Variants in SLC5A4 observed in about 807,000 individuals in gnomAD.
The protein encoded by SLC5A4 is probable glucose sensor protein SLC5A4.
Under a neutral mutation model 70.3 loss-of-function variants are expected in SLC5A4, and 55 were observed. That is an observed-to-expected ratio of 0.78 (90% CI 0.63 to 0.98). The LOEUF is 0.98. Ranked by LOEUF, SLC5A4 falls within the 50% of genes least tolerant of loss-of-function variation. SLC5A4 has a pLI of 0.00. For synonymous variants in SLC5A4, 268 were observed against 305.7 expected (o/e 0.88, Z 1.29); for missense variants, 735 against 839.2 (o/e 0.88, Z 1.53).
the SLC5A4 span, among the ~76,000 whole-genome samples, chr22:32,261,059 CA>C: frequency 0.091 from 11,660 of 127,992 alleles, 667 homozygotes; most frequent in African/African-American, 0.2. Flanking sequence ...GGTGACAGGG[CA>C]AAAAAAAAAA....
the SLC5A4 span, among the ~76,000 whole-genome samples, chr22:32,262,268 T>C: frequency 1.6e-3 from 248 of 152,342 alleles, no homozygotes; most frequent in African/African-American, 5.5e-3. Context: ...ATAGTGGTTG[T>C]ACTAATTTAC....
At chr22:32,287,079 A>G in the SLC5A4 span, among the ~76,000 whole-genome samples, 1 of 152,224 alleles carries the variant, frequency 6.6e-6, no homozygotes, top group Admixed American at 6.5e-5. Flanking sequence ...TGGGGGAGTT[A>G]CGGTACAGGG....
intron 4 of SLC5A4, 99 bp downstream of exon 4, chr22:32,248,644 T>G: frequency 1.1e-6 from 1 of 898,738 alleles, no homozygotes; most frequent in Non-Finnish European, 1.9e-6. Context: ...AATAAAGCCT[T>G]TTTTCCTGGC....
intron 4 of SLC5A4, 73 bp downstream of exon 4, chr22:32,248,670 A>C: frequency 9.7e-7 from 1 of 1,033,690 alleles, no homozygotes; most frequent in Non-Finnish European, 1.5e-6. Flanking sequence ...TCATTGTCTC[A>C]GTGATTGATC....
Position 32,239,031 on chromosome 22 carries a change from C to T in SLC5A4, c.537G>A (p.Leu179=), listed in dbSNP as rs1569374267. 2 of 1,613,980 alleles carry T rather than the reference C, an allele frequency of 1.2e-6. No homozygotes were observed. The highest frequency in any genetic ancestry group is 8.5e-7 in the Non-Finnish European group (1 of 1,179,936). Residue 179 remains leucine (L), a synonymous_variant, in exon 6 of 15, where the codon CTG becomes CTA. Coordinates refer to ENST00000266086, the MANE Select transcript of SLC5A4 (RefSeq NM_014227.3). ...TCATAGCCAAGAGGATGAAGATTGC[C>T]AGGTAAAGGTCCAATCCCAAGGCCA... ...IKLALGLDLY[L]AIFILLAMTA... is the part of the protein sequence containing the mutation.
rs1465228298 is a variant in SLC5A4, at chr22:32,254,312, C to T, written c.136-99G>A. 8.8e-6 allele frequency: 7 copies of T among 798,312 alleles called. No homozygotes were observed. In the Admixed American group the frequency reaches 1.4e-4, roughly 15 times the overall value. 49.5% of individuals were successfully genotyped at this position (798,312 alleles called of 1,614,324 possible). On this transcript the variant is annotated intron_variant, in intron 1 of 14. Coordinates refer to ENST00000266086, the MANE Select transcript of SLC5A4 (RefSeq NM_014227.3). ...GGTGCTGAGAGGGGTGACTTCAGCA[C>T]TCCTACAGAGAGAAACATTTCGCTG...
the SLC5A4 span, among the ~76,000 whole-genome samples, chr22:32,326,621 T>G: frequency 6.6e-6 from 1 of 152,094 alleles, no homozygotes; most frequent in Non-Finnish European, 1.5e-5. Flanking sequence ...TTAATCCTAC[T>G]TGTAAATGTG....
the SLC5A4 span, among the ~76,000 whole-genome samples, chr22:32,340,489 C>A: frequency 6.6e-6 from 1 of 152,334 alleles, no homozygotes; most frequent in Non-Finnish European, 1.5e-5. Flanking sequence ...GGCACAAAGC[C>A]ACAAAGCAAA....
chr22:32,234,831 C>T, intron 8 of SLC5A4, 42 bp downstream of exon 8: 1 of 1,393,116 alleles, frequency 7.2e-7, no homozygotes, highest in Non-Finnish European at 1.0e-6. Flanking sequence ...GACACACAGA[C>T]AGACAGACAG....
chr22:32,316,614 C>T, the SLC5A4 span, among the ~76,000 whole-genome samples: 1 of 152,088 alleles, frequency 6.6e-6, no homozygotes, highest in African/African-American at 2.4e-5. Context: ...ACTATAACCT[C>T]TGCCTCTTGG....
rs776208719 is a variant in SLC5A4 at position 32,241,587 on chromosome 22, G to A, written c.478-2497C>T. Reference sequence around the variant, plus strand: ...CAGCCGGGCACAGTGGCTCATGCCTGTAATCCCAGCACTTTGGGAGGCCAA... The same window carrying A: ...CAGCCGGGCACAGTGGCTCATGCCTATAATCCCAGCACTTTGGGAGGCCAA... On this transcript the variant is annotated intron_variant, in intron 5 of 14. Transcript: ENST00000266086. Among the ~76,000 whole-genome samples the A allele has an allele frequency of 3.9e-5, 6 of 152,256 alleles. No individual in the cohort carries two copies. In the South Asian group the frequency reaches 8.3e-4, roughly 21 times the overall value.
the SLC5A4 span, among the ~76,000 whole-genome samples, chr22:32,261,118 C>G: frequency 6.6e-6 from 1 of 151,912 alleles, no homozygotes; most frequent in Non-Finnish European, 1.5e-5. Flanking sequence ...CCAGGAGACT[C>G]ACACTTCTCT....
chr22:32,337,478 G>T, the SLC5A4 span, among the ~76,000 whole-genome samples: 1 of 152,108 alleles, frequency 6.6e-6, no homozygotes, highest in African/African-American at 2.4e-5. Context: ...AGGTTGCAGT[G>T]AGCTGAGATC....
the SLC5A4 span, among the ~76,000 whole-genome samples, chr22:32,268,811 C>T: frequency 2.0e-5 from 3 of 152,298 alleles, no homozygotes; most frequent in East Asian, 5.8e-4. Flanking sequence ...CCATTGGCTG[C>T]AGAGCCCTTA....
At chr22:32,269,682 A>C in the SLC5A4 span, 2 of 598,908 alleles carry the variant, frequency 3.3e-6, no homozygotes, top group Admixed American at 3.9e-5. The surrounding 1 kb of genome is among the most constrained non-coding windows in gnomAD (Gnocchi z 4.1). Flanking sequence ...CCTGAACCAG[A>C]GCATTCCCCC....
At chr22:32,328,886 C>A in the SLC5A4 span, among the ~76,000 whole-genome samples, 1 of 152,238 alleles carries the variant, frequency 6.6e-6, no homozygotes, top group Non-Finnish European at 1.5e-5. Context: ...AGGGAACGAG[C>A]CTCTGACCTT....
the SLC5A4 span, among the ~76,000 whole-genome samples, chr22:32,337,485 G>C: frequency 6.6e-6 from 1 of 152,104 alleles, no homozygotes; most frequent in Non-Finnish European, 1.5e-5. Context: ...AGTGAGCTGA[G>C]ATCGCACCAC....
chr22:32,339,553 T>G, the SLC5A4 span, among the ~76,000 whole-genome samples: 1 of 152,064 alleles, frequency 6.6e-6, no homozygotes, highest in African/African-American at 2.4e-5. Context: ...GTGGGTGTTG[T>G]GTTTTTACCT....
chr22:32,287,441 C>T, the SLC5A4 span, among the ~76,000 whole-genome samples: 2 of 149,006 alleles, frequency 1.3e-5, no homozygotes, highest in Admixed American at 6.7e-5. Flanking sequence ...TTACCCCTAC[C>T]TGTCTTCATT....
Sources: allele counts gnomAD v4.1 joint callset (sites outside exome capture counted in the v4.1 genomes callset), GRCh38; gene constraint gnomAD v4.1.1; non-coding constraint Gnocchi (gnomAD v3.1); transcripts MANE v1.5; gene names NCBI Gene and HGNC (gene_info 2026-07-23, HGNC 2026-07-21).